The following IHO1 variants were observed in gnomAD, a reference collection of about 807,000 sequenced individuals.
The protein encoded by IHO1 is interactor of HORMAD1 protein 1.
Under a neutral mutation model 31.0 loss-of-function variants are expected in IHO1, and 13 were observed. The observed-to-expected ratio is 0.42, with a 90% CI of 0.27 to 0.67. IHO1 has a LOEUF of 0.67. IHO1 is among the 30% of genes least tolerant of loss of function. The probability of loss-of-function intolerance (pLI) is 0.24; values close to 1 mark genes in which losing one functional copy is unlikely to be tolerated. For synonymous variants in IHO1, 221 were observed against 248.4 expected (o/e 0.89, Z 1.04); for missense variants, 599 against 687.5 (o/e 0.87, Z 1.44).
Position 49,256,297 on chromosome 3 carries a change from A to C in IHO1, c.800A>C (p.Lys267Thr). ...AGATTGATCTCAGTGCCTCCAGTGA[A>C]AGACAGTGCTTCTCAGACGTCGCCA... ...LKRLISVPPV[K>T]DSASQTSPPL... The change falls in exon 8 of 8, where the codon AAA becomes ACA. Residue 267 changes from lysine to threonine, a missense_variant. Physicochemically the swap from Lys to Thr is moderately conservative, Grantham distance 78. Coordinates refer to ENST00000452691, the MANE Select transcript of IHO1 (RefSeq NM_001135197.2). This position sits in a 1 kb window ranked among gnomAD's most constrained non-coding sequence, Gnocchi z 4.6. 1 of 1,614,136 alleles carries C rather than the reference A, an allele frequency of 6.2e-7. No individual in the cohort carries two copies. The highest frequency in any genetic ancestry group is 1.7e-5 in the Admixed American group (1 of 59,996).
chr3:49,242,539 A>T (rs1246670196), intron 4 of IHO1, among the ~76,000 whole-genome samples: 1 of 152,208 alleles, frequency 6.6e-6, no homozygotes, highest in Non-Finnish European at 1.5e-5. Context: ...GAGAAATGTA[A>T]TATTCAAGTA....
chr3:49,244,963 T>C, intron 6 of IHO1: 1 of 601,552 alleles, frequency 1.7e-6, no homozygotes, highest in East Asian at 2.8e-5. Context: ...GAGGCACTAA[T>C]CCCCCACCTG....
At position 49,229,942 on chromosome 3, in the gene IHO1, A is replaced by G. The variant is rs1289411246; in HGVS notation, c.57-6606A>G. ...AGCCCTCAAAGTCAACATATGATGC[A>G]TGAAATAGGGTATGTCCCTGGTATG... On this transcript the variant is annotated intron_variant, in intron 2 of 7. Coordinates refer to ENST00000452691, the MANE Select transcript of IHO1 (RefSeq NM_001135197.2). Among the ~76,000 whole-genome samples, 9 of 152,314 alleles carry G rather than the reference A, an allele frequency of 5.9e-5. No individual in the cohort carries two copies. The East Asian group carries it at 1.7e-3, about 29-fold the overall frequency.
chr3:49,255,526 G>C, intron 7 of IHO1, 33 bp downstream of exon 7: 3 of 1,030,736 alleles, frequency 2.9e-6, no homozygotes, highest in Non-Finnish European at 4.2e-6. Context: ...TTCTAAGTGT[G>C]TTTTGGGCTT....
At chr3:49,212,032 C>T (rs1036602256) in intron 2 of IHO1, among the ~76,000 whole-genome samples, 196 bp downstream of exon 2, 1 of 151,904 alleles carries the variant, frequency 6.6e-6, no homozygotes, top group African/African-American at 2.4e-5. Context: ...GGCATGGTGG[C>T]GGGTGCCTAT....
intron 3 of IHO1, among the ~76,000 whole-genome samples, chr3:49,240,606 C>G (rs957282373): frequency 1.3e-5 from 2 of 152,206 alleles, no homozygotes; most frequent in African/African-American, 4.8e-5. Context: ...ATCCACCCAC[C>G]TCGGCCTCCC....
chr3:49,207,251 T>G (rs1217239909), intron 1 of IHO1, among the ~76,000 whole-genome samples: 3 of 146,896 alleles, frequency 2.0e-5, no homozygotes, highest in Non-Finnish European at 3.0e-5. Context: ...CTGGTGAGGT[T>G]TTTTTTTTTT....
Position 49,256,979 on chromosome 3 carries a change from A to C in IHO1, c.1482A>C (p.Glu494Asp). 6.2e-7 allele frequency: 1 copy of C among 1,614,156 alleles called. No homozygotes were observed. The highest frequency in any genetic ancestry group is 2.2e-5 in the East Asian group (1 of 44,894). Residue 494 changes from glutamate to aspartate, a missense_variant, in exon 8 of 8, where the codon GAA becomes GAC. Glu to Asp is a conservative substitution (Grantham distance 45). Coordinates refer to ENST00000452691, the MANE Select transcript of IHO1 (RefSeq NM_001135197.2). The surrounding 1 kb of genome is among the most constrained non-coding windows in gnomAD (Gnocchi z 4.6). ...VPQSPFLGQQ[E>D]PRAQPLHLQC... The stretch of plus-strand genomic sequence containing the variant: ...AAAGCCCCTTCCTGGGGCAGCAGGA[A>C]CCCCGTGCTCAGCCTCTGCATCTGC...
intron 3 of IHO1, among the ~76,000 whole-genome samples, chr3:49,239,770 C>A (rs770780961): frequency 7.9e-5 from 12 of 151,632 alleles, no homozygotes; most frequent in Non-Finnish European, 1.8e-4. Context: ...TTAAGCAATT[C>A]TCCTGCCTCA....
chr3:49,192,422 A>T, the IHO1 span, among the ~76,000 whole-genome samples: 6 of 152,324 alleles, frequency 3.9e-5, no homozygotes, highest in African/African-American at 1.4e-4. Flanking sequence ...TTTGTAAAAG[A>T]GGGACTTGAA....
At chr3:49,218,376 CTTTTTTTTTTTTT>C (rs34312848) in intron 2 of IHO1, among the ~76,000 whole-genome samples, 3 of 105,830 alleles carry the variant, frequency 2.8e-5, no homozygotes, top group African/African-American at 1.1e-4. Context: ...CAGTTAATAC[CTTTTTTTTTTTTT>C]TTTTTTTTTT....
chr3:49,195,837 A>T (rs540869180), upstream of IHO1, among the ~76,000 whole-genome samples: 2 of 150,132 alleles, frequency 1.3e-5, no homozygotes, highest in African/African-American at 2.5e-5. Context: ...CGCGGTGGCT[A>T]ACGCCTGTAA....
intron 2 of IHO1, among the ~76,000 whole-genome samples, chr3:49,229,192 G>A (rs1197353387): frequency 6.6e-6 from 1 of 152,160 alleles, no homozygotes; most frequent in Non-Finnish European, 1.5e-5. Context: ...CAATCCTCTA[G>A]CTAGACAGAA....
intron 6 of IHO1, among the ~76,000 whole-genome samples, chr3:49,247,807 CTAAATAAATAAAAT>C (rs1381691010): frequency 6.8e-6 from 1 of 147,914 alleles, no homozygotes; most frequent in African/African-American, 2.5e-5. Context: ...AAAACTAAAA[CTAAATAAATAAAAT>C]GAAAAAAAAA....
intron 2 of IHO1, among the ~76,000 whole-genome samples, chr3:49,213,633 G>C (rs1176479482): frequency 6.6e-6 from 1 of 152,248 alleles, no homozygotes; most frequent in Non-Finnish European, 1.5e-5. Context: ...AGCCCATGGT[G>C]GGCCGGCACT....
chr3:49,249,182 A>G (rs2046730897), intron 6 of IHO1, among the ~76,000 whole-genome samples: 1 of 152,200 alleles, frequency 6.6e-6, no homozygotes, highest in Admixed American at 6.6e-5. Context: ...ACAGTAATAA[A>G]GTTAATTACC....
chr3:49,209,435 C>T (rs1575565419), intron 1 of IHO1, among the ~76,000 whole-genome samples: 3 of 151,714 alleles, frequency 2.0e-5, no homozygotes, highest in Admixed American at 2.0e-4. Context: ...AGGAGTTCGG[C>T]CCAACCTGGT....
chr3:49,231,219 C>T lies in IHO1; in HGVS notation c.57-5329C>T, dbSNP rs1016180234. On this transcript the variant is annotated intron_variant, in intron 2 of 7. Coordinates refer to ENST00000452691, the MANE Select transcript of IHO1 (RefSeq NM_001135197.2). ...CTTGGAAAAATTATTGTCCCTCTCACGAAGGCACAAATACAGCAAGCTTTT... is the reference window on the plus strand; with the variant it reads ...CTTGGAAAAATTATTGTCCCTCTCATGAAGGCACAAATACAGCAAGCTTTT... 7.2e-5 allele frequency among the ~76,000 whole-genome samples: 11 copies of T among 152,296 alleles called. 1 individual carries two copies. In the South Asian group the frequency reaches 8.3e-4, roughly 11 times the overall value.
the IHO1 span, chr3:49,191,832 G>C: frequency 2.0e-6 from 3 of 1,501,200 alleles, no homozygotes; most frequent in Non-Finnish European, 2.7e-6. Context: ...GGTATCTTCA[G>C]GAAAGAGAAT....
Sources: gnomAD v4.1 joint callset for allele counts (sites outside exome capture counted in the v4.1 genomes callset) on GRCh38, gnomAD v4.1.1 for gene constraint, Gnocchi (gnomAD v3.1) non-coding constraint, MANE v1.5 for transcripts, NCBI Gene and HGNC (gene_info 2026-07-23, HGNC 2026-07-21) for gene names.